GPC6: variants seen among roughly 807,000 people sequenced by gnomAD.
GPC6 encodes the protein glypican 6, also known as glypican-6.
A neutral mutation model predicts 55.2 loss-of-function variants in GPC6; 14 were observed. The ratio of observed to expected loss-of-function variants is 0.25; its 90% CI spans 0.17 to 0.40. The LOEUF (loss-of-function observed/expected upper bound fraction) is 0.40. Among genes scored for constraint, GPC6 ranks in the 10% least tolerant of loss-of-function variants. The pLI is 1.00. For synonymous variants in GPC6, 278 were observed against 259.6 expected, an observed-to-expected ratio of 1.07 and a Z score of -0.68; for missense variants, 641 against 708.5, an observed-to-expected ratio of 0.90 and a Z score of 1.08.
chr13:94,132,633 C>A (rs1422214683), intron 4 of GPC6, among the ~76,000 whole-genome samples: 2 of 152,180 alleles, frequency 1.3e-5, no homozygotes, highest in Non-Finnish European at 2.9e-5. Context: ...TAGTTGCCCT[C>A]ACCTCCCTCA....
At chr13:93,339,004 G>A (rs540928115) in intron 1 of GPC6, among the ~76,000 whole-genome samples, 2 of 152,136 alleles carry the variant, frequency 1.3e-5, no homozygotes, top group African/African-American at 2.4e-5. Context: ...AAGCATTTAC[G>A]CCCCAAAGAT....
In GPC6 at chr13:93,589,496, C is replaced by T. The variant is rs542452745; in HGVS notation, c.319+44075C>T. 2.6e-5 allele frequency among the ~76,000 whole-genome samples: 4 copies of T among 152,270 alleles called. No individual in the cohort carries two copies. In the East Asian group the frequency reaches 5.8e-4, roughly 22 times the overall value. On this transcript the variant is annotated intron_variant, in intron 2 of 8. Transcript: ENST00000377047. ...CCATTAAATAATTTTAATCCATGCT[C>T]AAATCACAGGAAATCATTGTACGTT...
chr13:94,116,632 T>C (rs1332695082), intron 4 of GPC6, among the ~76,000 whole-genome samples: 2 of 152,108 alleles, frequency 1.3e-5, no homozygotes, highest in African/African-American at 4.8e-5. Context: ...ATTTTAAGCA[T>C]TGAAACAAGT....
chr13:94,339,193 T>C (rs1034410885), intron 6 of GPC6, among the ~76,000 whole-genome samples: 1 of 152,034 alleles, frequency 6.6e-6, no homozygotes, highest in African/African-American at 2.4e-5. Context: ...GCCCCACAAG[T>C]AGCTAAGACT....
chr13:93,895,838 T>C (rs181986549), intron 3 of GPC6, among the ~76,000 whole-genome samples: 1 of 152,154 alleles, frequency 6.6e-6, no homozygotes, highest in African/African-American at 2.4e-5. Flanking sequence ...CTTACCAGAA[T>C]CTTTAAGAGA....
intron 4 of GPC6, among the ~76,000 whole-genome samples, chr13:94,052,776 A>T (rs1883997623): frequency 6.6e-6 from 1 of 152,020 alleles, no homozygotes; most frequent in Non-Finnish European, 1.5e-5. Flanking sequence ...GTGTCCCTTA[A>T]TCTCAATCAA....
chr13:94,319,216 C>A (rs954162397), intron 6 of GPC6, among the ~76,000 whole-genome samples: 2 of 151,912 alleles, frequency 1.3e-5, no homozygotes, highest in East Asian at 3.9e-4. Context: ...GTGTTTGGAA[C>A]CTAATACTGT....
intron 7 of GPC6, among the ~76,000 whole-genome samples, chr13:94,382,992 A>T (rs895037154): frequency 1.3e-5 from 2 of 152,188 alleles, no homozygotes; most frequent in Admixed American, 1.3e-4. Flanking sequence ...TGAAGTGTTC[A>T]TTGGCAACGT....
chr13:94,161,942 G>A (rs995719085), intron 4 of GPC6, among the ~76,000 whole-genome samples: 3 of 152,090 alleles, frequency 2.0e-5, no homozygotes, highest in African/African-American at 7.2e-5. Context: ...AAGAATGGGA[G>A]CCAAGCAAAA....
At chr13:94,096,799 T>C (rs1885674152) in intron 4 of GPC6, among the ~76,000 whole-genome samples, 1 of 152,192 alleles carries the variant, frequency 6.6e-6, no homozygotes, top group Non-Finnish European at 1.5e-5. Context: ...AGGTGAATAT[T>C]CTGAGGTAAA....
intron 2 of GPC6, among the ~76,000 whole-genome samples, chr13:93,638,732 A>G (rs1480304074): frequency 6.6e-6 from 1 of 152,164 alleles, no homozygotes. Flanking sequence ...ATATACAAAA[A>G]CGAATAATCA....
intron 2 of GPC6, among the ~76,000 whole-genome samples, chr13:93,565,934 C>CAAAAAAAA (rs35217779): frequency 7.4e-6 from 1 of 134,830 alleles, no homozygotes; most frequent in Non-Finnish European, 1.6e-5. Context: ...AACAAACAAA[C>CAAAAAAAA]AAAAAAAAAA....
chr13:94,239,438 G>A (rs565193311), intron 4 of GPC6, among the ~76,000 whole-genome samples: 50 of 152,232 alleles, frequency 3.3e-4, no homozygotes, highest in South Asian at 2.1e-4. Context: ...AATAGACACC[G>A]TCATTGTTAA....
chr13:94,136,320 G>C (rs17791708), intron 4 of GPC6, among the ~76,000 whole-genome samples: 26,547 of 151,886 alleles, frequency 0.17, 2,735 homozygotes, highest in Non-Finnish European at 0.23. Context: ...AGTTCCTAGA[G>C]AATACAGTAC....
At chr13:93,430,923 C>T (rs756711824) in intron 1 of GPC6, among the ~76,000 whole-genome samples, 3 of 152,088 alleles carry the variant, frequency 2.0e-5, no homozygotes, top group Non-Finnish European at 4.4e-5. Context: ...AGCTCTCAGA[C>T]TGGTTAAAGT....
At chr13:93,630,864 TAAC>T (rs1422779330) in intron 2 of GPC6, among the ~76,000 whole-genome samples, 1 of 152,156 alleles carries the variant, frequency 6.6e-6, no homozygotes, top group African/African-American at 2.4e-5. Flanking sequence ...GTCAAAGTCC[TAAC>T]AACCCCCCCA....
chr13:94,327,337 C>G (rs1015845827), intron 6 of GPC6, among the ~76,000 whole-genome samples: 4 of 152,128 alleles, frequency 2.6e-5, no homozygotes, highest in African/African-American at 9.7e-5. Context: ...CATCTCATTG[C>G]AGATGTTTTT....
At chr13:93,248,846 A>G (rs1876692939) in intron 1 of GPC6, among the ~76,000 whole-genome samples, 2 of 152,216 alleles carry the variant, frequency 1.3e-5, no homozygotes, top group Non-Finnish European at 2.9e-5. Flanking sequence ...ATGAAAAGGA[A>G]GTGGCTGGAG....
chr13:93,328,519 C>CA (rs1485529068), intron 1 of GPC6, among the ~76,000 whole-genome samples: 2 of 151,572 alleles, frequency 1.3e-5, no homozygotes, highest in Admixed American at 6.6e-5. Flanking sequence ...ACAAAATATA[C>CA]AAAAAATTAG....
Sources: gnomAD v4.1 joint callset for allele counts (sites outside exome capture counted in the v4.1 genomes callset) on GRCh38, gnomAD v4.1.1 for gene constraint, MANE v1.5 for transcripts, NCBI Gene and HGNC (gene_info 2026-07-23, HGNC 2026-07-21) for gene names.